The following GUCY1A2 variants were observed in gnomAD, a reference collection of about 807,000 sequenced individuals.
GUCY1A2 encodes guanylate cyclase 1 soluble subunit alpha 2.
Under a neutral mutation model 63.5 loss-of-function variants are expected in GUCY1A2, and 27 were observed. That is an observed-to-expected ratio of 0.43 (90% confidence interval 0.31 to 0.59). The LOEUF is 0.59. GUCY1A2 is among the 20% of genes least tolerant of loss of function. GUCY1A2 has a pLI of 0.11. For missense variants in GUCY1A2, 768 were observed against 913.3 expected (o/e 0.84, Z 2.05); for synonymous variants, 364 against 343.5 (o/e 1.06, Z -0.66).
intron 3 of GUCY1A2, among the ~76,000 whole-genome samples, chr11:106,975,766 A>T (rs10890629): frequency 0.37 from 56,682 of 152,058 alleles, 10,914 homozygotes; most frequent in Non-Finnish European, 0.42. Flanking sequence ...CAGAGGCATG[A>T]AACACCTTGT....
intron 4 of GUCY1A2, among the ~76,000 whole-genome samples, chr11:106,866,983 C>T (rs1163606958): frequency 6.6e-6 from 1 of 151,910 alleles, no homozygotes; most frequent in African/African-American, 2.4e-5. Flanking sequence ...TACTGCTTTC[C>T]CCTAAGTATA....
chr11:106,927,677 G>T (rs1422522843), intron 4 of GUCY1A2, among the ~76,000 whole-genome samples: 2 of 151,300 alleles, frequency 1.3e-5, no homozygotes, highest in Non-Finnish European at 2.9e-5. Context: ...CCATTCTCCT[G>T]CCTCAACGTC....
At chr11:106,746,957 C>A (rs1863798749) in intron 6 of GUCY1A2, among the ~76,000 whole-genome samples, 1 of 152,266 alleles carries the variant, frequency 6.6e-6, no homozygotes, top group African/African-American at 2.4e-5. Flanking sequence ...CAAATAGTCA[C>A]TGTCCTTTAA....
intron 4 of GUCY1A2, among the ~76,000 whole-genome samples, chr11:106,901,802 C>T (rs896227970): frequency 3.2e-4 from 48 of 152,166 alleles, no homozygotes; most frequent in Admixed American, 4.6e-4. Context: ...CATGTCCCTA[C>T]AACGGACATG....
At chr11:106,802,083 T>G (rs543805026) in intron 5 of GUCY1A2, among the ~76,000 whole-genome samples, 1 of 152,298 alleles carries the variant, frequency 6.6e-6, no homozygotes, top group African/African-American at 2.4e-5. Flanking sequence ...GCATTTCTAC[T>G]ACATAAAAGC....
chr11:106,954,473 A>G (rs1860954743), intron 3 of GUCY1A2, among the ~76,000 whole-genome samples: 1 of 152,172 alleles, frequency 6.6e-6, no homozygotes, highest in Non-Finnish European at 1.5e-5. Context: ...CAGGAGAAGG[A>G]CGTATATTCT....
chr11:106,774,253 T>TC (rs1864314458), intron 6 of GUCY1A2, among the ~76,000 whole-genome samples: 1 of 152,064 alleles, frequency 6.6e-6, no homozygotes, highest in Admixed American at 6.6e-5. Context: ...TGCCTCAGCC[T>TC]CCTGAGTAGC....
At chr11:107,001,991 C>G (rs1441422420) in intron 1 of GUCY1A2, among the ~76,000 whole-genome samples, 1 of 151,594 alleles carries the variant, frequency 6.6e-6, no homozygotes, top group African/African-American at 2.4e-5. Flanking sequence ...TACACAGCAG[C>G]CTGGGCGACA....
chr11:106,713,311 C>G (rs1863153742), intron 6 of GUCY1A2, among the ~76,000 whole-genome samples: 1 of 152,030 alleles, frequency 6.6e-6, no homozygotes, highest in African/African-American at 2.4e-5. Flanking sequence ...TGGCTGGAAG[C>G]AGAAGTGAGA....
chr11:107,004,560 G>A (rs1273392045), intron 1 of GUCY1A2, among the ~76,000 whole-genome samples: 1 of 151,972 alleles, frequency 6.6e-6, no homozygotes, highest in Non-Finnish European at 1.5e-5. Context: ...ACTATTCTAG[G>A]TGCTGCAAAG....
intron 6 of GUCY1A2, among the ~76,000 whole-genome samples, chr11:106,720,624 G>C (rs1863300598): frequency 6.6e-6 from 1 of 152,018 alleles, no homozygotes; most frequent in East Asian, 1.9e-4. Flanking sequence ...GTTATCAAGG[G>C]AACAGAACAA....
intron 6 of GUCY1A2, among the ~76,000 whole-genome samples, chr11:106,734,671 AT>A (rs1863559127): frequency 6.6e-6 from 1 of 152,114 alleles, no homozygotes; most frequent in Non-Finnish European, 1.5e-5. Context: ...AAAGTTCCTC[AT>A]TTTCAGGGTC....
chr11:106,935,994 T>G (rs1860671765), intron 4 of GUCY1A2, among the ~76,000 whole-genome samples: 1 of 152,100 alleles, frequency 6.6e-6, no homozygotes, highest in African/African-American at 2.4e-5. Flanking sequence ...AAAACTGAGG[T>G]GCAGACATTA....
At position 106,954,585 on chromosome 11, in the gene GUCY1A2, T is replaced by C. The variant is rs112594079; in HGVS notation, c.488-14407A>G. Among the ~76,000 whole-genome samples the C allele has an allele frequency of 5.0e-3, 755 of 152,310 alleles. 8 individuals are homozygous for C. Among genetic ancestry groups the C allele is most frequent in the African/African-American group, 0.017 (712 of 41,572 alleles). ...CCTTTTTAATTTTTTCTCTCATTGATCTAATACTGAGAGTGGGGTGTTAAA... is the reference window on the plus strand; with the variant it reads ...CCTTTTTAATTTTTTCTCTCATTGACCTAATACTGAGAGTGGGGTGTTAAA... On this transcript the variant is annotated intron_variant, in intron 3 of 7. Coordinates refer to ENST00000526355, the MANE Select transcript of GUCY1A2 (RefSeq NM_000855.3).
intron 1 of GUCY1A2, among the ~76,000 whole-genome samples, chr11:106,986,390 C>A (rs1038142471): frequency 3.3e-5 from 5 of 152,106 alleles, no homozygotes; most frequent in Non-Finnish European, 5.9e-5. Flanking sequence ...TTTGTAACAG[C>A]TATTAAGTTC....
At chr11:106,905,944 A>C (rs1218436380) in intron 4 of GUCY1A2, among the ~76,000 whole-genome samples, 1 of 152,188 alleles carries the variant, frequency 6.6e-6, no homozygotes, top group Non-Finnish European at 1.5e-5. Context: ...AAATTAACTC[A>C]AGATGGATTA....
chr11:106,676,039 GT>G lies in GUCY1A2; in HGVS notation c.*11509del, dbSNP rs903014601. 2.7e-5 allele frequency: 5 copies of G among 184,328 alleles called. No individual in the cohort carries two copies. Among genetic ancestry groups the G allele is most frequent in the African/African-American group, 4.7e-5 (2 of 42,572 alleles). 11.4% of individuals were successfully genotyped at this position (184,328 alleles called of 1,614,324 possible). A position where few individuals can be genotyped will look rare whatever the true frequency, so the allele number is the denominator to read the frequency against. On this transcript the variant is annotated 3_prime_UTR_variant, in exon 8 of 8. Transcript: ENST00000526355. The stretch of plus-strand genomic sequence containing the variant: ...ATCTTTCCACAGAGGAACAAATCAT[GT>G]TTTTTTCTGTATAATTTTCTATTAA...
Position 106,683,263 on chromosome 11 carries a change from T to C in GUCY1A2, c.*4286A>G, listed in dbSNP as rs753059981. The C allele has an allele frequency of 2.7e-5, 6 of 218,578 alleles. No individual in the cohort carries two copies. The highest frequency in any genetic ancestry group is 1.1e-4 in the African/African-American group (5 of 44,510). The allele number at this position is 218,578 out of a possible 1,614,324, so 13.5% of individuals were successfully genotyped here. A position where few individuals can be genotyped will look rare whatever the true frequency, so the allele number is the denominator to read the frequency against. ...TAGCTGAAGGTCTATAATCTAATAG[T>C]AGAAAAAACTAAGCTACGATATAGG... On this transcript the variant is annotated 3_prime_UTR_variant, in exon 8 of 8. Transcript: ENST00000526355.
chr11:106,908,206 T>C (rs1373775340), intron 4 of GUCY1A2, among the ~76,000 whole-genome samples: 1 of 152,028 alleles, frequency 6.6e-6, no homozygotes, highest in African/African-American at 2.4e-5. Flanking sequence ...ATATTATCAA[T>C]TTTACTGCTT....
Sources: allele counts gnomAD v4.1 joint callset (sites outside exome capture counted in the v4.1 genomes callset), GRCh38; gene constraint gnomAD v4.1.1; transcripts MANE v1.5; gene names NCBI Gene and HGNC (gene_info 2026-07-23, HGNC 2026-07-21).